Variants in AIG1 observed in about 807,000 individuals in gnomAD.
The protein encoded by AIG1 is androgen-induced gene 1 protein.
In AIG1, 23 loss-of-function variants were observed where a neutral mutation model predicts 31.4. That is an observed-to-expected ratio of 0.73 (90% confidence interval 0.53 to 1.04). The LOEUF is 1.04. Ranked by LOEUF, AIG1 falls within the 50% of genes least tolerant of loss-of-function variation. The pLI, the probability that AIG1 is intolerant of heterozygous loss-of-function variation, is 0.00. For missense variants in AIG1, 274 were observed against 295.0 expected, an observed-to-expected ratio of 0.93 and a Z score of 0.52; for synonymous variants, 100 against 110.5, an observed-to-expected ratio of 0.90 and a Z score of 0.60.
chr6:143,189,753 A>C, intron 3 of AIG1: 2 of 985,184 alleles, frequency 2.0e-6, no homozygotes, highest in Non-Finnish European at 2.4e-6. Flanking sequence ...GAGCCCTCTT[A>C]TATTAATATG....
At position 143,331,845 on chromosome 6, in the gene AIG1, G is replaced by GTTT. The variant is rs1445762983; in HGVS notation, c.516-1436_516-1434dup. Among the ~76,000 whole-genome samples, 4 of 116,438 alleles carry GTTT rather than the reference G, an allele frequency of 3.4e-5. No individual in the cohort carries two copies. Among genetic ancestry groups the GTTT allele is most frequent in the Non-Finnish European group, 5.1e-5 (3 of 59,190 alleles). 76.4% of individuals were successfully genotyped at this position (116,438 alleles called of 152,430 possible). ...AAAATGAGGTACATGTGTAGGTAATGTTTATTATTATTATTATTATTATTA... is the reference window on the plus strand; with the variant it reads ...AAAATGAGGTACATGTGTAGGTAATGTTTTTTATTATTATTATTATTATTATTA... On this transcript the variant is annotated intron_variant, in intron 4 of 5. Transcript: ENST00000357847. This position sits in a 1 kb window ranked among gnomAD's most constrained non-coding sequence, Gnocchi z 4.1.
At chr6:143,301,741 C>T (rs57521514) in intron 4 of AIG1, among the ~76,000 whole-genome samples, 6,268 of 152,198 alleles carry the variant, frequency 0.041, 415 homozygotes, top group African/African-American at 0.14. Flanking sequence ...TGGTCCCTCC[C>T]TTGACAAGTG....
intron 1 of AIG1, among the ~76,000 whole-genome samples, chr6:143,087,008 T>C (rs1016060526): frequency 2.0e-5 from 3 of 151,758 alleles, no homozygotes; most frequent in African/African-American, 7.3e-5. Context: ...ACCCAGAGGG[T>C]TGGGGGTTGT....
At position 143,331,313 on chromosome 6, in the gene AIG1, T is replaced by A. The variant is rs1164239719; in HGVS notation, c.516-1969T>A. 2.6e-5 allele frequency among the ~76,000 whole-genome samples: 4 copies of A among 151,928 alleles called. No homozygotes were observed. Among genetic ancestry groups the A allele is most frequent in the Non-Finnish European group, 5.9e-5 (4 of 67,984 alleles). On this transcript the variant is annotated intron_variant, in intron 4 of 5. Transcript: ENST00000357847. This position sits in a 1 kb window ranked among gnomAD's most constrained non-coding sequence, Gnocchi z 4.1. ...ATCTATACCCAAAATTTTCTCATCA[T>A]CCCCCCACATAAACTCTGTTCCCGT... is the stretch of plus-strand genomic sequence containing the variant.
chr6:143,273,201 C>A (rs571195162), intron 3 of AIG1, among the ~76,000 whole-genome samples: 2 of 152,322 alleles, frequency 1.3e-5, no homozygotes, highest in East Asian at 3.9e-4. Context: ...AAGCCATACT[C>A]TGACATTGCA....
chr6:143,271,657 A>G (rs1419770803), intron 3 of AIG1, among the ~76,000 whole-genome samples: 1 of 152,250 alleles, frequency 6.6e-6, no homozygotes, highest in Non-Finnish European at 1.5e-5. Context: ...TGATGAAATT[A>G]TAAAAGTCGA....
intron 4 of AIG1, among the ~76,000 whole-genome samples, chr6:143,295,447 A>G (rs1014249367): frequency 6.6e-6 from 1 of 151,904 alleles, no homozygotes; most frequent in Non-Finnish European, 1.5e-5. Context: ...GCATTACCGG[A>G]CCCCTGCTGA....
chr6:143,073,607 G>A (rs561245582), intron 1 of AIG1, among the ~76,000 whole-genome samples: 8 of 152,156 alleles, frequency 5.3e-5, no homozygotes, highest in Non-Finnish European at 1.0e-4. Flanking sequence ...AGTGGTTTTG[G>A]TTTTCATTTC....
At chr6:143,170,886 T>C (rs1476937055) in intron 3 of AIG1, among the ~76,000 whole-genome samples, 1 of 142,722 alleles carries the variant, frequency 7.0e-6, no homozygotes, top group Non-Finnish European at 1.5e-5. Flanking sequence ...TAAAAAAAAA[T>C]CCATTCAGAT....
intron 1 of AIG1, among the ~76,000 whole-genome samples, chr6:143,124,168 G>A (rs1349309574): frequency 6.6e-6 from 1 of 152,166 alleles, no homozygotes; most frequent in East Asian, 1.9e-4. Flanking sequence ...CTGTTCCTTA[G>A]CAGACTGGAT....
chr6:143,337,807 G>C (rs997729445), intron 5 of AIG1, among the ~76,000 whole-genome samples: 1 of 152,128 alleles, frequency 6.6e-6, no homozygotes, highest in Non-Finnish European at 1.5e-5. Context: ...CTGCAGGAAG[G>C]GCATGTGACT....
rs967173600 is a variant in AIG1, at chr6:143,331,592, G to A, written c.516-1690G>A. Among the ~76,000 whole-genome samples the A allele has an allele frequency of 2.0e-5, 3 of 151,838 alleles. No individual in the cohort carries two copies. The highest frequency in any genetic ancestry group is 2.9e-5 in the Non-Finnish European group (2 of 67,968). Reference sequence around the variant, plus strand: ...TTGCATGCATATGCCACATTTGATTGTTTGTTCACCTACTGATGTGTTTCT... The same window carrying A: ...TTGCATGCATATGCCACATTTGATTATTTGTTCACCTACTGATGTGTTTCT... On this transcript the variant is annotated intron_variant, in intron 4 of 5. Coordinates refer to ENST00000357847, the MANE Select transcript of AIG1 (RefSeq NM_016108.4). The surrounding 1 kb of genome is among the most constrained non-coding windows in gnomAD (Gnocchi z 4.1).
intron 4 of AIG1, among the ~76,000 whole-genome samples, chr6:143,305,126 T>C (rs1799161700): frequency 6.6e-6 from 1 of 152,210 alleles, no homozygotes; most frequent in East Asian, 1.9e-4. Context: ...TTTTCTTCTT[T>C]ATTAGTCTTG....
At chr6:143,085,506 AG>A (rs1778683448) in intron 1 of AIG1, among the ~76,000 whole-genome samples, 2 of 152,156 alleles carry the variant, frequency 1.3e-5, no homozygotes, top group East Asian at 1.9e-4. Context: ...CTTTGTGCTC[AG>A]GGGTGAGTCC....
Position 143,338,270 on chromosome 6 carries a change from T to C in AIG1, c.680-1369T>C, listed in dbSNP as rs1562607061. ...GTGGTTACCCAACAACGAAGGCGTGTTGTACCTTCTTGCCTTCAAACCTGT... is the reference window on the plus strand; with the variant it reads ...GTGGTTACCCAACAACGAAGGCGTGCTGTACCTTCTTGCCTTCAAACCTGT... On this transcript the variant is annotated intron_variant, in intron 5 of 5. Transcript: ENST00000357847. The surrounding 1 kb of genome is among the most constrained non-coding windows in gnomAD (Gnocchi z 4.3). 1 of 360,352 alleles carries C rather than the reference T, an allele frequency of 2.8e-6. No individual in the cohort carries two copies. The highest frequency in any genetic ancestry group is 4.9e-6 in the Non-Finnish European group (1 of 202,648). 22.3% of individuals were successfully genotyped at this position (360,352 alleles called of 1,614,324 possible). A position where few individuals can be genotyped will look rare whatever the true frequency, so the allele number is the denominator to read the frequency against.
downstream of AIG1, chr6:143,343,134 C>T: frequency 1.3e-6 from 1 of 757,906 alleles, no homozygotes; most frequent in South Asian, 1.4e-5. Flanking sequence ...GGAGGCTTGC[C>T]ATTATTTACT....
intron 1 of AIG1, among the ~76,000 whole-genome samples, chr6:143,113,905 G>A (rs944114887): frequency 1.3e-5 from 2 of 151,882 alleles, no homozygotes; most frequent in African/African-American, 4.8e-5. Flanking sequence ...TTCCGGAGTA[G>A]CTGGGACTAC....
chr6:143,278,534 T>A (rs527518863), intron 3 of AIG1, among the ~76,000 whole-genome samples: 1 of 151,404 alleles, frequency 6.6e-6, no homozygotes, highest in Non-Finnish European at 1.5e-5. Context: ...GGTGGCGTGA[T>A]CTCGGCTCAC....
In AIG1 at chr6:143,136,754, GTACA is replaced by G. The variant is rs1423178108; in HGVS notation, c.142-80_142-77del. 4.9e-6 allele frequency: 6 copies of G among 1,213,514 alleles called. No homozygotes were observed. In the African/African-American group the frequency reaches 9.3e-5, roughly 19 times the overall value. The allele number at this position is 1,213,514 out of a possible 1,614,324, so 75.2% of individuals were successfully genotyped here. A position where few individuals can be genotyped will look rare whatever the true frequency, so the allele number is the denominator to read the frequency against. On this transcript the variant is annotated intron_variant, in intron 1 of 5. Transcript: ENST00000357847. The stretch of plus-strand genomic sequence containing the variant: ...ATCCTTTCTTATTAGATGTCATGTT[GTACA>G]CCAGCAGCTCATTTGCTGTTCCACA...
Sources: gnomAD v4.1 joint callset for allele counts (sites outside exome capture counted in the v4.1 genomes callset) on GRCh38, gnomAD v4.1.1 for gene constraint, Gnocchi (gnomAD v3.1) non-coding constraint, MANE v1.5 for transcripts, NCBI Gene and HGNC (gene_info 2026-07-23, HGNC 2026-07-21) for gene names.